The following CD3G variants were observed in gnomAD, a reference collection of about 807,000 sequenced individuals.
The protein encoded by CD3G is T-cell surface glycoprotein CD3 gamma chain.
Under a neutral mutation model 28.3 loss-of-function variants are expected in CD3G, and 24 were observed. That is an observed-to-expected ratio of 0.85 (90% CI 0.61 to 1.19). The LOEUF (loss-of-function observed/expected upper bound fraction) is 1.19, where lower values mean the gene tolerates loss of function less well. CD3G is among the 50% of genes most tolerant of loss of function. The pLI is 0.00. For synonymous variants in CD3G, 71 were observed against 75.9 expected, an observed-to-expected ratio of 0.93 and a Z score of 0.34; for missense variants, 211 against 210.0, an observed-to-expected ratio of 1.00 and a Z score of -0.03.
rs141543943 is a variant in CD3G at position 118,346,107 on chromosome 11, C to T, written c.55+1629C>T. On this transcript the variant is annotated intron_variant, in intron 1 of 6. Transcript: ENST00000532917. ...GCTATGTGTACTTGAACAACTCCTCCACTGTCTGGGAGTTCTCATGCCAGC... is the reference window on the plus strand; with the variant it reads ...GCTATGTGTACTTGAACAACTCCTCTACTGTCTGGGAGTTCTCATGCCAGC... Among the ~76,000 whole-genome samples the T allele has an allele frequency of 1.8e-3, 276 of 152,282 alleles. 4 individuals carry two copies. The highest frequency in any genetic ancestry group is 6.2e-3 in the African/African-American group (258 of 41,550).
At position 118,349,349 on chromosome 11, in the gene CD3G, G is replaced by T. The variant is rs1285960299; in HGVS notation, c.79+299G>T. ...TATTGGCGTCACCTGGGATCCTGAC[G>T]TTAGTCTCTGTCAATCCTTCTCTTT... On this transcript the variant is annotated intron_variant, in intron 2 of 6. Coordinates refer to ENST00000532917, the MANE Select transcript of CD3G (RefSeq NM_000073.3). 4 of 1,241,884 alleles carry T rather than the reference G, an allele frequency of 3.2e-6. No individual in the cohort carries two copies. In the South Asian group the frequency reaches 6.4e-5, roughly 20 times the overall value. The allele number at this position is 1,241,884 out of a possible 1,614,324, so 76.9% of individuals were successfully genotyped here. A position where few individuals can be genotyped will look rare whatever the true frequency, so the allele number is the denominator to read the frequency against.
In CD3G at chr11:118,344,375, C is replaced by T; in HGVS notation, c.-49C>T. On this transcript the variant is annotated 5_prime_UTR_variant, in exon 1 of 7. Transcript: ENST00000532917. ...GCTGCTGCACAGGCTGGCTGGCTGG[C>T]TGGCTGCTAAGGGCTGCTCCACGCT... 1 of 1,513,418 alleles carries T rather than the reference C, an allele frequency of 6.6e-7. No individual in the cohort carries two copies. The highest frequency in any genetic ancestry group is 1.2e-5 in the South Asian group (1 of 83,200). 93.7% of individuals were successfully genotyped at this position (1,513,418 alleles called of 1,614,324 possible).
chr11:118,350,889 G>GGAAAAAAAAAAAAAAA (rs1555121622), intron 4 of CD3G: 3 of 523,510 alleles, frequency 5.7e-6, no homozygotes, highest in East Asian at 3.1e-4. Flanking sequence ...CTCCCTCTGT[G>GGAAAAAAAAAAAAAAA]AAAAAAAAAA....
At chr11:118,351,037 A>C in intron 4 of CD3G, 1 of 332,778 alleles carries the variant, frequency 3.0e-6, no homozygotes, top group South Asian at 4.0e-5. Context: ...AAATACAAAA[A>C]ATTAGCCGGG....
chr11:118,352,384 G>A lies in CD3G; in HGVS notation c.484-20G>A, dbSNP rs770535390. ...ATAGAGGATGGAAAAAATGACTTAT[G>A]ACTGTGCTGTCCTTTCCAGCCCCTC... On this transcript the variant is annotated intron_variant, in intron 5 of 6. Transcript: ENST00000532917. The A allele has an allele frequency of 6.2e-7, 1 of 1,606,996 alleles. No homozygotes were observed. Among genetic ancestry groups the A allele is most frequent in the Non-Finnish European group, 8.5e-7 (1 of 1,173,612 alleles).
chr11:118,346,481 T>C (rs1392375140), intron 1 of CD3G, among the ~76,000 whole-genome samples: 6 of 151,870 alleles, frequency 4.0e-5, no homozygotes, highest in Non-Finnish European at 7.4e-5. Flanking sequence ...TATGAACTCT[T>C]AAGTCCTAAA....
intron 3 of CD3G, 118 bp from the exon 4 acceptor site, chr11:118,350,434 C>CCCACAGAGGAAAAGCCTGCTGCCCT: frequency 1.2e-6 from 1 of 802,310 alleles, no homozygotes. Flanking sequence ...TGCCCTGCCA[C>CCCACAGAGGAAAAGCCTGCTGCCCT]CCACAGAGGA....
rs770265062 is a variant in CD3G, at chr11:118,349,057, G to T, written c.79+7G>T. ...TTGGCCCAGTCAATCAAAGGTAGGA[G>T]AAATGGCTTCTTTCTATACTCAGAC... On this transcript the variant is annotated splice_region_variant and intron_variant, in intron 2 of 6. Transcript: ENST00000532917. The T allele has an allele frequency of 6.2e-7, 1 of 1,614,050 alleles. No individual in the cohort carries two copies. Among genetic ancestry groups the T allele is most frequent in the East Asian group, 2.2e-5 (1 of 44,898 alleles).
At position 118,349,865 on chromosome 11, in the gene CD3G, G is replaced by C; in HGVS notation, c.202G>C (p.Asp68His). 1 of 1,613,732 alleles carries C rather than the reference G, an allele frequency of 6.2e-7. No homozygotes were observed. The highest frequency in any genetic ancestry group is 8.5e-7 in the Non-Finnish European group (1 of 1,179,882). ...DGKMIGFLTE[D>H]KKKWNLGSNA... The stretch of plus-strand genomic sequence containing the variant: ...GAAGATGATCGGCTTCCTAACTGAA[G>C]ATAAAAAAAAATGGAATCTGGGAAG... The change falls in exon 3 of 7, where the codon GAT becomes CAT. Residue 68 changes from aspartate (D) to histidine (H), a missense_variant. By Grantham distance (81) the Asp-to-His change is moderately conservative. Coordinates refer to ENST00000532917, the MANE Select transcript of CD3G (RefSeq NM_000073.3).
intron 6 of CD3G, 44 bp downstream of exon 6, chr11:118,352,531 A>G (rs1260767739): frequency 8.5e-6 from 11 of 1,301,758 alleles, no homozygotes; most frequent in Non-Finnish European, 8.9e-6. Flanking sequence ...CCTTGCATCA[A>G]CTGCCCTCGC....
chr11:118,347,805 G>A (rs1332671645), intron 1 of CD3G, among the ~76,000 whole-genome samples: 1 of 152,070 alleles, frequency 6.6e-6, no homozygotes, highest in Non-Finnish European at 1.5e-5. Flanking sequence ...ATTGTCTGTA[G>A]AGACAGGGTT....
chr11:118,348,233 C>T (rs1948373963), intron 1 of CD3G, among the ~76,000 whole-genome samples: 1 of 152,130 alleles, frequency 6.6e-6, no homozygotes. Context: ...ACTTTAAATG[C>T]CAGCTACAAG....
chr11:118,348,519 C>T (rs1487069419), intron 1 of CD3G, among the ~76,000 whole-genome samples: 1 of 152,190 alleles, frequency 6.6e-6, no homozygotes, highest in African/African-American at 2.4e-5. Flanking sequence ...TCTGCCAGCA[C>T]ATTGATGGGT....
chr11:118,349,722 C>A (rs199641636), intron 2 of CD3G, 21 bp from the exon 3 acceptor site: 3 of 1,572,070 alleles, frequency 1.9e-6, no homozygotes, highest in African/African-American at 1.3e-5. Flanking sequence ...CTTAATAGAA[C>A]CACGGCTTTT....
At chr11:118,349,006 A>T (rs753602973) in intron 1 of CD3G, 21 bp from the exon 2 acceptor site, 1 of 1,613,914 alleles carries the variant, frequency 6.2e-7, no homozygotes, top group Non-Finnish European at 8.5e-7. Context: ...CTAATACTCT[A>T]TCTCTCTTCT....
chr11:118,350,499 C>A, intron 3 of CD3G, 53 bp from the exon 4 acceptor site: 1 of 1,347,524 alleles, frequency 7.4e-7, no homozygotes, highest in Non-Finnish European at 1.1e-6. Context: ...AGAAAACGAA[C>A]CAGGAAAAAC....
At chr11:118,349,380 A>G (rs1476276965) in intron 2 of CD3G, 8 of 1,026,546 alleles carry the variant, frequency 7.8e-6, no homozygotes, top group Non-Finnish European at 1.1e-5. Context: ...TCTTTAGTTC[A>G]TCTATTCTAC....
chr11:118,344,468 T>G lies in CD3G; in HGVS notation c.45T>G (p.Ile15Met). 6.4e-7 allele frequency: 1 copy of G among 1,568,310 alleles called. No homozygotes were observed. ...KGLAVLILAI[I>M]LLQGTLAQSI... ...TGGCTGTCCTCATCCTGGCTATCAT[T>G]CTTCTTCAAGGTAAGGGCCTACTAG... The change falls in exon 1 of 7, where the codon ATT becomes ATG. Residue 15 changes from isoleucine to methionine, a missense_variant. By Grantham distance (10) the Ile-to-Met change is conservative (BLOSUM62 1). Coordinates refer to ENST00000532917, the MANE Select transcript of CD3G (RefSeq NM_000073.3).
intron 3 of CD3G, among the ~76,000 whole-genome samples, 162 bp from the exon 4 acceptor site, chr11:118,350,390 A>C (rs1279982212): frequency 1.3e-5 from 2 of 152,186 alleles, no homozygotes; most frequent in African/African-American, 4.8e-5. Context: ...AAGAGCATCA[A>C]GATGCATTGA....
Sources: allele counts gnomAD v4.1 joint callset (sites outside exome capture counted in the v4.1 genomes callset), GRCh38; gene constraint gnomAD v4.1.1; transcripts MANE v1.5; gene names NCBI Gene and HGNC (gene_info 2026-07-23, HGNC 2026-07-21).